The following FAAH2 variants were observed in gnomAD, a reference collection of about 807,000 sequenced individuals.
FAAH2 encodes the protein fatty acid amide hydrolase 2, also known as fatty-acid amide hydrolase 2.
FAAH2 carries 60 observed loss-of-function variants against 36.9 expected under a neutral mutation model. That is an observed-to-expected ratio of 1.63 (90% confidence interval 1.32 to 2.02). The LOEUF is 2.02. Among genes scored for constraint, FAAH2 ranks in the 30% most tolerant of loss-of-function variants. The probability of loss-of-function intolerance (pLI) is 0.00; values close to 1 mark genes in which losing one functional copy is unlikely to be tolerated. For synonymous variants in FAAH2, 214 were observed against 143.8 expected (o/e 1.49, Z -3.49); for missense variants, 689 against 397.5 (o/e 1.73, Z -6.23).
chrX:57,143,639 G>T, the FAAH2 span, among the ~76,000 whole-genome samples: 1 of 110,216 alleles, frequency 9.1e-6, no homozygotes, highest in Non-Finnish European at 1.9e-5. Flanking sequence ...ACCATGCTAA[G>T]CTATTTCTTT....
the FAAH2 span, chrX:57,137,247 C>T: frequency 7.2e-5 from 55 of 759,315 alleles, no homozygotes; most frequent in East Asian, 3.0e-4. Context: ...CCTCACGTGC[C>T]GAAATCGGAT....
At chrX:57,355,672 A>T (rs988081082) in intron 5 of FAAH2, among the ~76,000 whole-genome samples, 1 of 110,839 alleles carries the variant, frequency 9.0e-6, no homozygotes, top group African/African-American at 3.3e-5. Context: ...ATTTTTAACC[A>T]TTAGCAGTTT....
chrX:57,396,489 T>C (rs1232253965), intron 7 of FAAH2, among the ~76,000 whole-genome samples: 2 of 110,215 alleles, frequency 1.8e-5, no homozygotes, highest in African/African-American at 6.6e-5. Flanking sequence ...TTTTTCCTCT[T>C]AATACTGCTA....
At chrX:57,176,633 T>A in the FAAH2 span, among the ~76,000 whole-genome samples, 2 of 112,171 alleles carry the variant, frequency 1.8e-5, no homozygotes, top group Non-Finnish European at 3.8e-5. Context: ...CTTTTTCAGA[T>A]GTTATAGAAC....
At chrX:57,318,938 G>C (rs1349992433) in intron 3 of FAAH2, among the ~76,000 whole-genome samples, 1 of 111,703 alleles carries the variant, frequency 9.0e-6, no homozygotes, top group Non-Finnish European at 1.9e-5. Context: ...TATCTCAATA[G>C]ATGCAGAAAA....
At chrX:57,365,047 T>G (rs2054380627) in intron 5 of FAAH2, among the ~76,000 whole-genome samples, 1 of 111,889 alleles carries the variant, frequency 8.9e-6, no homozygotes, top group African/African-American at 3.3e-5. Context: ...AGATAGCTAT[T>G]AGGTCCAATT....
At chrX:57,361,226 G>T (rs1274550585) in intron 5 of FAAH2, among the ~76,000 whole-genome samples, 1 of 110,980 alleles carries the variant, frequency 9.0e-6, no homozygotes, top group Non-Finnish European at 1.9e-5. Context: ...ATTTTTCCAT[G>T]GCTCACCATC....
chrX:57,207,846 A>T, the FAAH2 span, among the ~76,000 whole-genome samples: 3 of 112,687 alleles, frequency 2.7e-5, no homozygotes, highest in Non-Finnish European at 5.6e-5. Flanking sequence ...TGCAGCATAA[A>T]TCTACTGTGA....
chrX:57,179,618 G>A, the FAAH2 span, among the ~76,000 whole-genome samples: 1 of 111,663 alleles, frequency 9.0e-6, no homozygotes, highest in Non-Finnish European at 1.9e-5. Context: ...GATTCATAAA[G>A]CAAGTTCTTA....
chrX:57,263,491 T>C, the FAAH2 span, among the ~76,000 whole-genome samples: 1 of 112,009 alleles, frequency 8.9e-6, no homozygotes, highest in Non-Finnish European at 1.9e-5. Context: ...GATTGGAAGA[T>C]TGAACATAGT....
intron 5 of FAAH2, among the ~76,000 whole-genome samples, chrX:57,361,643 G>T (rs2054288006): frequency 1.8e-5 from 2 of 111,245 alleles, no homozygotes; most frequent in Non-Finnish European, 3.8e-5. Flanking sequence ...TGAGGTCAAA[G>T]AAGATATGTG....
At chrX:57,133,078 G>T in the FAAH2 span, among the ~76,000 whole-genome samples, 95 of 111,406 alleles carry the variant, frequency 8.5e-4, 3 homozygotes, top group Non-Finnish European at 3.8e-5. Flanking sequence ...TCTCAGTGAG[G>T]CCTTCCCTGG....
chrX:57,356,930 C>T (rs955945021), intron 5 of FAAH2, among the ~76,000 whole-genome samples: 16 of 110,773 alleles, frequency 1.4e-4, no homozygotes, highest in Admixed American at 2.9e-4. Flanking sequence ...CTACTGCTAT[C>T]CCTCCCCTAG....
intron 3 of FAAH2, among the ~76,000 whole-genome samples, chrX:57,322,192 C>T (rs1411222930): frequency 1.8e-5 from 2 of 111,573 alleles, no homozygotes; most frequent in Non-Finnish European, 3.8e-5. Flanking sequence ...TTAGTAGAGA[C>T]GGGGTTTCAC....
the FAAH2 span, among the ~76,000 whole-genome samples, chrX:57,172,877 C>T: frequency 8.9e-6 from 1 of 111,825 alleles, no homozygotes; most frequent in Non-Finnish European, 1.9e-5. Context: ...GTGTTCCTCT[C>T]GACGTCCAGC....
At chrX:57,470,683 T>A (rs1429000968) in intron 10 of FAAH2, among the ~76,000 whole-genome samples, 1 of 111,433 alleles carries the variant, frequency 9.0e-6, no homozygotes, top group Non-Finnish European at 1.9e-5. Flanking sequence ...GAGGAGCTGG[T>A]ACCATTACTT....
chrX:57,169,672 G>A, the FAAH2 span, among the ~76,000 whole-genome samples: 2 of 97,809 alleles, frequency 2.0e-5, no homozygotes, highest in Admixed American at 2.3e-4. Context: ...CCAATCAAAA[G>A]TTGTAGGAGA....
chrX:57,236,881 T>C, the FAAH2 span, among the ~76,000 whole-genome samples: 3 of 102,272 alleles, frequency 2.9e-5, no homozygotes, highest in African/African-American at 4.0e-5. Flanking sequence ...CTGTCTATTT[T>C]TGTTTTATTG....
intron 3 of FAAH2, among the ~76,000 whole-genome samples, chrX:57,328,702 A>G (rs900695591): frequency 7.2e-5 from 8 of 111,647 alleles, no homozygotes; most frequent in Non-Finnish European, 1.3e-4. Flanking sequence ...TGTTTCTTCA[A>G]CATTTAAAGT....
Sources: gnomAD v4.1 joint callset for allele counts (sites outside exome capture counted in the v4.1 genomes callset) on GRCh38, gnomAD v4.1.1 for gene constraint, MANE v1.5 for transcripts, NCBI Gene and HGNC (gene_info 2026-07-23, HGNC 2026-07-21) for gene names.